The following SNX13 variants were observed in gnomAD, a reference collection of about 807,000 sequenced individuals.
SNX13 encodes sorting nexin 13, also known as sorting nexin-13.
In SNX13, 45 loss-of-function variants were observed where a neutral mutation model predicts 133.6. That is an observed-to-expected ratio of 0.34 (90% confidence interval 0.27 to 0.43). SNX13 has a LOEUF of 0.43. Ranked by LOEUF, SNX13 falls within the 20% of genes least tolerant of loss-of-function variation. SNX13 has a pLI of 1.00. For missense variants in SNX13, 1,032 were observed against 1,145.1 expected (o/e 0.90, Z 1.43); for synonymous variants, 414 against 373.9 (o/e 1.11, Z -1.24).
rs754696425 is a variant in SNX13 at position 17,791,724 on chromosome 7, A to C, written c.*2321T>G. 2 of 152,132 alleles carry C rather than the reference A, an allele frequency of 1.3e-5. No individual in the cohort carries two copies. The highest frequency in any genetic ancestry group is 2.4e-5 in the African/African-American group (1 of 41,450). 9.4% of individuals were successfully genotyped at this position (152,132 alleles called of 1,614,324 possible). On this transcript the variant is annotated 3_prime_UTR_variant, in exon 26 of 26. Transcript: ENST00000428135. ...CAATAAATGCATTAAATGTAACTTT[A>C]TTAAACATAGTACACTGTACTTGAC... is the stretch of plus-strand genomic sequence containing the variant.
intron 1 of SNX13, among the ~76,000 whole-genome samples, chr7:17,919,049 C>A (rs774316466): frequency 2.0e-5 from 3 of 152,056 alleles, no homozygotes; most frequent in African/African-American, 4.8e-5. Context: ...TGGGTACACA[C>A]GGACACAAAG....
intron 1 of SNX13, among the ~76,000 whole-genome samples, chr7:17,928,264 G>A (rs185024230): frequency 6.6e-6 from 1 of 152,272 alleles, no homozygotes; most frequent in African/African-American, 2.4e-5. Flanking sequence ...TCAGACTGAG[G>A]CAGGAAGGTT....
chr7:17,868,222 G>A (rs903103612), intron 9 of SNX13, 185 bp downstream of exon 9: 1 of 529,544 alleles, frequency 1.9e-6, no homozygotes, highest in Non-Finnish European at 3.3e-6. Context: ...AATTCTTAAA[G>A]AGAATTTGGC....
intron 9 of SNX13, among the ~76,000 whole-genome samples, chr7:17,864,068 C>A (rs1793075869): frequency 1.3e-5 from 2 of 152,148 alleles, no homozygotes; most frequent in South Asian, 4.1e-4. Context: ...AAGGATGGTA[C>A]AAATAAGCCC....
chr7:17,806,197 G>C (rs764474496), intron 20 of SNX13, among the ~76,000 whole-genome samples: 4 of 73,156 alleles, frequency 5.5e-5, no homozygotes, highest in Non-Finnish European at 1.0e-4. Context: ...TCTAATTATA[G>C]CTTAAAATGC....
At chr7:17,811,636 A>T (rs896539940) in intron 20 of SNX13, among the ~76,000 whole-genome samples, 1 of 152,178 alleles carries the variant, frequency 6.6e-6, no homozygotes, top group Non-Finnish European at 1.5e-5. Flanking sequence ...TCACAGAATT[A>T]GAAAAAACTA....
At chr7:17,902,190 G>T (rs1797907667) in intron 1 of SNX13, among the ~76,000 whole-genome samples, 1 of 147,414 alleles carries the variant, frequency 6.8e-6, no homozygotes, top group African/African-American at 2.5e-5. Flanking sequence ...GTGAATTTCT[G>T]CAATGTGCCA....
intron 22 of SNX13, among the ~76,000 whole-genome samples, chr7:17,800,390 A>G (rs1241916907): frequency 6.6e-6 from 1 of 151,812 alleles, no homozygotes; most frequent in Non-Finnish European, 1.5e-5. Context: ...ATATATGGTA[A>G]CCTGATTTGT....
chr7:17,890,254 G>C, intron 5 of SNX13, 109 bp downstream of exon 5: 4 of 1,052,816 alleles, frequency 3.8e-6, no homozygotes, highest in Non-Finnish European at 5.3e-6. Flanking sequence ...ATAATCTGCT[G>C]TTCTACTTAC....
chr7:17,873,450 G>T (rs1212574081), intron 8 of SNX13, 78 bp downstream of exon 8: 3 of 592,514 alleles, frequency 5.1e-6, no homozygotes, highest in Non-Finnish European at 2.3e-6. Flanking sequence ...GAGTGTAACA[G>T]GGTCTTAAGA....
intron 9 of SNX13, among the ~76,000 whole-genome samples, chr7:17,854,612 T>C (rs1198423685): frequency 6.6e-6 from 1 of 152,232 alleles, no homozygotes; most frequent in Admixed American, 6.5e-5. Context: ...ATTATTACTA[T>C]ATCTACTATG....
intron 9 of SNX13, among the ~76,000 whole-genome samples, chr7:17,860,892 T>A (rs953057561): frequency 1.3e-5 from 2 of 152,174 alleles, no homozygotes; most frequent in Non-Finnish European, 2.9e-5. Context: ...TCAGGAAGGG[T>A]GAGGTGCAAA....
rs1016629699 is a variant in SNX13, at chr7:17,794,443, C to T, written c.2627-151G>A. 3 of 901,302 alleles carry T rather than the reference C, an allele frequency of 3.3e-6. No individual in the cohort carries two copies. The South Asian group carries it at 5.7e-5, about 17-fold the overall frequency. 55.8% of individuals were successfully genotyped at this position (901,302 alleles called of 1,614,324 possible). A position where few individuals can be genotyped will look rare whatever the true frequency, so the allele number is the denominator to read the frequency against. On this transcript the variant is annotated intron_variant, in intron 25 of 25. Transcript: ENST00000428135. ...TTTCAGCTATGTACTATAGCTGAAA[C>T]TTAATATGCATCTTTGCATGCATGC...
In SNX13 at chr7:17,875,800, A is replaced by G; in HGVS notation, c.441-10T>C. 6.4e-7 allele frequency: 1 copy of G among 1,571,154 alleles called. No individual in the cohort carries two copies. The highest frequency in any genetic ancestry group is 8.6e-7 in the Non-Finnish European group (1 of 1,156,862). Reference sequence around the variant, plus strand: ...GTCTATTTCTTTTGACCTTATAAAAAACACATTACATAAAAGGATTATATA... The same window carrying G: ...GTCTATTTCTTTTGACCTTATAAAAGACACATTACATAAAAGGATTATATA... On this transcript the variant is annotated splice_polypyrimidine_tract_variant and intron_variant, in intron 5 of 25. Transcript: ENST00000428135.
intron 9 of SNX13, among the ~76,000 whole-genome samples, chr7:17,856,650 G>C (rs1791919016): frequency 6.6e-6 from 1 of 151,266 alleles, no homozygotes; most frequent in African/African-American, 2.4e-5. Context: ...AAATTAGCCG[G>C]GTATGGTGGC....
chr7:17,940,465 G>C lies in SNX13; in HGVS notation c.-170C>G, dbSNP rs1019030346. 7 of 750,452 alleles carry C rather than the reference G, an allele frequency of 9.3e-6. No homozygotes were observed. The highest frequency in any genetic ancestry group is 2.7e-5 in the East Asian group (1 of 37,472). The allele number at this position is 750,452 out of a possible 1,614,324, so 46.5% of individuals were successfully genotyped here. A position where few individuals can be genotyped will look rare whatever the true frequency, so the allele number is the denominator to read the frequency against. The stretch of plus-strand genomic sequence containing the variant: ...TGGCCTCCCCTCGGCCCGGTCGCTC[G>C]CGACGGACGCGCCGCCATCTTGGAA... On this transcript the variant is annotated 5_prime_UTR_variant, in exon 1 of 26. Transcript: ENST00000428135.
chr7:17,878,831 TTTC>T (rs1354125356), intron 5 of SNX13, among the ~76,000 whole-genome samples: 1 of 152,176 alleles, frequency 6.6e-6, no homozygotes, highest in Non-Finnish European at 1.5e-5. Flanking sequence ...ATTCACAGGC[TTTC>T]TTTCCATTTG....
intron 9 of SNX13, among the ~76,000 whole-genome samples, chr7:17,867,666 C>G (rs1014558976): frequency 6.6e-6 from 1 of 151,456 alleles, no homozygotes; most frequent in African/African-American, 2.4e-5. Flanking sequence ...TCTGACAATG[C>G]CTAAGGGAAA....
chr7:17,917,067 T>A lies in SNX13; in HGVS notation c.13-19621A>T, dbSNP rs551082844. Among the ~76,000 whole-genome samples, 6 of 152,202 alleles carry A rather than the reference T, an allele frequency of 3.9e-5. No homozygotes were observed. In the South Asian group the frequency reaches 1.2e-3, roughly 32 times the overall value. On this transcript the variant is annotated intron_variant, in intron 1 of 25. Transcript: ENST00000428135. Reference sequence around the variant, plus strand: ...AACAGCATTAAAAACAAAAACCATATATGATCACCTCAATATATTCAGAAA... The same window carrying A: ...AACAGCATTAAAAACAAAAACCATAAATGATCACCTCAATATATTCAGAAA...
Sources: gnomAD v4.1 joint callset for allele counts (sites outside exome capture counted in the v4.1 genomes callset) on GRCh38, gnomAD v4.1.1 for gene constraint, MANE v1.5 for transcripts, NCBI Gene and HGNC (gene_info 2026-07-23, HGNC 2026-07-21) for gene names.